SMYD3: variants seen among roughly 807,000 people sequenced by gnomAD.
The protein encoded by SMYD3 is SET and MYND domain containing 3, also known as histone-lysine N-methyltransferase SMYD3.
SMYD3 carries 36 observed loss-of-function variants against 57.7 expected under a neutral mutation model. The observed-to-expected ratio is 0.62, with a 90% CI of 0.48 to 0.82. The LOEUF (loss-of-function observed/expected upper bound fraction) is 0.82. SMYD3 is among the 40% of genes least tolerant of loss of function. SMYD3 has a pLI of 0.00. For synonymous variants in SMYD3, 211 were observed against 195.0 expected, an observed-to-expected ratio of 1.08 and a Z score of -0.68; for missense variants, 515 against 538.8, an observed-to-expected ratio of 0.96 and a Z score of 0.44.
At chr1:246,346,054 G>T (rs982689734) in intron 2 of SMYD3, among the ~76,000 whole-genome samples, 1 of 152,158 alleles carries the variant, frequency 6.6e-6, no homozygotes, top group African/African-American at 2.4e-5. Context: ...GGAGGCCAAG[G>T]GGGGTGGATC....
chr1:246,219,703 C>T (rs1158080175), intron 5 of SMYD3, among the ~76,000 whole-genome samples: 3 of 152,308 alleles, frequency 2.0e-5, no homozygotes, highest in Middle Eastern at 3.4e-3. Context: ...CACTGTAACA[C>T]TCCCTCTGGG....
intron 5 of SMYD3, among the ~76,000 whole-genome samples, chr1:245,934,763 TA>T (rs112582969): frequency 0.019 from 2,839 of 150,652 alleles, 90 homozygotes; most frequent in African/African-American, 0.064. Context: ...CAATTTCAAT[TA>T]AAAAAAAAAT....
At chr1:246,239,311 T>C (rs955472876) in intron 5 of SMYD3, among the ~76,000 whole-genome samples, 10 of 152,120 alleles carry the variant, frequency 6.6e-5, no homozygotes, top group African/African-American at 2.4e-4. Context: ...AGTGTTCTCA[T>C]TGTTCAATTC....
chr1:246,436,535 C>T (rs1238152577), intron 1 of SMYD3, among the ~76,000 whole-genome samples: 1 of 152,164 alleles, frequency 6.6e-6, no homozygotes, highest in East Asian at 1.9e-4. Context: ...ATCTAGGTTC[C>T]TGCCTCCCTA....
At chr1:245,813,860 CTATATATATATATATATATATATA>C (rs6143718) in intron 10 of SMYD3, among the ~76,000 whole-genome samples, 93,864 of 146,882 alleles carry the variant, frequency 0.64, 33,000 homozygotes, top group Non-Finnish European at 0.8. Flanking sequence ...TCATGGAGCC[CTATATATATATATATATATATATA>C]TATATATATA....
intron 5 of SMYD3, among the ~76,000 whole-genome samples, chr1:246,315,072 C>A (rs1184182258): frequency 1.3e-5 from 2 of 152,110 alleles, no homozygotes; most frequent in African/African-American, 4.8e-5. Context: ...TGACTACTTC[C>A]CCCTCTCTAA....
chr1:245,854,235 C>G (rs2051119790), intron 10 of SMYD3, among the ~76,000 whole-genome samples: 1 of 152,050 alleles, frequency 6.6e-6, no homozygotes, highest in African/African-American at 2.4e-5. Context: ...GAAAGAGTGA[C>G]ATTTTAGTGT....
intron 10 of SMYD3, among the ~76,000 whole-genome samples, chr1:245,838,163 A>C (rs2050194195): frequency 6.6e-6 from 1 of 152,238 alleles, no homozygotes; most frequent in Non-Finnish European, 1.5e-5. Context: ...ATATTTTTGA[A>C]GTTATTTCAC....
At chr1:246,121,666 C>T (rs910608220) in intron 5 of SMYD3, among the ~76,000 whole-genome samples, 2 of 152,080 alleles carry the variant, frequency 1.3e-5, no homozygotes, top group Non-Finnish European at 2.9e-5. Flanking sequence ...CATACTGAAC[C>T]CGTCTAATGG....
chr1:246,310,858 C>T (rs1475226468), intron 5 of SMYD3, among the ~76,000 whole-genome samples: 3 of 151,678 alleles, frequency 2.0e-5, no homozygotes, highest in Admixed American at 6.6e-5. Flanking sequence ...TTAGTAGAGA[C>T]GGGGTTTCAC....
intron 5 of SMYD3, among the ~76,000 whole-genome samples, chr1:246,141,489 T>C (rs1572097023): frequency 6.6e-6 from 1 of 152,178 alleles, no homozygotes; most frequent in South Asian, 2.1e-4. Flanking sequence ...TGCATTCCTA[T>C]GATTACTTAC....
intron 5 of SMYD3, among the ~76,000 whole-genome samples, chr1:246,082,374 C>G (rs149457198): frequency 2.6e-5 from 4 of 152,250 alleles, no homozygotes; most frequent in South Asian, 4.1e-4. Context: ...GTTTTTCAGA[C>G]GTTAGCATGC....
chr1:246,002,653 C>T (rs74444783), intron 5 of SMYD3, among the ~76,000 whole-genome samples: 60,666 of 62,612 alleles, frequency 0.97, 29,398 homozygotes, highest in East Asian at 0.98. Context: ...GGGGTTTCAC[C>T]ATGTTAGCCA....
chr1:246,062,049 C>A (rs2060263092), intron 5 of SMYD3, among the ~76,000 whole-genome samples: 1 of 152,166 alleles, frequency 6.6e-6, no homozygotes, highest in South Asian at 2.1e-4. Flanking sequence ...AGGATCTCAA[C>A]AACCTCAAGC....
chr1:245,882,385 A>G (rs560110011), intron 8 of SMYD3, among the ~76,000 whole-genome samples: 11 of 152,284 alleles, frequency 7.2e-5, no homozygotes, highest in Admixed American at 5.9e-4. Flanking sequence ...ATGTATTCGC[A>G]GCTCCCTAAG....
At chr1:245,896,389 C>CAAAA (rs3052904) in intron 8 of SMYD3, among the ~76,000 whole-genome samples, 49,327 of 73,718 alleles carry the variant, frequency 0.67, 19,304 homozygotes, top group Non-Finnish European at 0.8. Context: ...TTTGCCAAGT[C>CAAAA]AAAAAAAAAA....
rs1472657954 is a variant in SMYD3, at chr1:245,938,040, T to G, written c.532-8103A>C. The stretch of plus-strand genomic sequence containing the variant: ...CGTGAAAGGTAAGACTGCACACTAA[T>G]CAACTGCTTAAAGTAATCCCCAAAT... On this transcript the variant is annotated intron_variant, in intron 5 of 11. Coordinates refer to ENST00000490107, the MANE Select transcript of SMYD3 (RefSeq NM_001167740.2). Among the ~76,000 whole-genome samples, 7 of 152,218 alleles carry G rather than the reference T, an allele frequency of 4.6e-5. 1 individual carries two copies.
intron 5 of SMYD3, among the ~76,000 whole-genome samples, chr1:246,050,637 C>T (rs1247074108): frequency 6.6e-6 from 1 of 152,154 alleles, no homozygotes; most frequent in Non-Finnish European, 1.5e-5. Flanking sequence ...CAAATTGGGT[C>T]TTTGTAAGCA....
At chr1:246,240,901 T>C (rs1171875105) in intron 5 of SMYD3, among the ~76,000 whole-genome samples, 1 of 151,950 alleles carries the variant, frequency 6.6e-6, no homozygotes, top group Non-Finnish European at 1.5e-5. Context: ...TTGTCTGTTA[T>C]TGGAGTATAA....
Sources: allele counts gnomAD v4.1 joint callset (sites outside exome capture counted in the v4.1 genomes callset), GRCh38; gene constraint gnomAD v4.1.1; transcripts MANE v1.5; gene names NCBI Gene and HGNC (gene_info 2026-07-23, HGNC 2026-07-21).